RTL9: variants seen among roughly 807,000 people sequenced by gnomAD.
The protein encoded by RTL9 is retrotransposon Gag like 9, also known as retrotransposon Gag-like protein 9.
RTL9 carries 19 observed loss-of-function variants against 44.7 expected under a neutral mutation model. That is an observed-to-expected ratio of 0.42 (90% CI 0.30 to 0.62). The LOEUF (loss-of-function observed/expected upper bound fraction) is 0.62, where lower values mean the gene tolerates loss of function less well. Among genes scored for constraint, RTL9 ranks in the 20% least tolerant of loss-of-function variants. RTL9 has a pLI of 0.16. For synonymous variants in RTL9, 407 were observed against 398.9 expected (o/e 1.02, Z -0.24); for missense variants, 1,105 against 1,080.6 (o/e 1.02, Z -0.32).
chrX:110,454,107 G>A (rs1477909475), exon 1 of RTL9: 1 of 1,212,231 alleles, frequency 8.2e-7, no homozygotes, highest in Non-Finnish European at 1.1e-6. Flanking sequence ...CTCATGCTCT[G>A]TGGAGGAAGA....
chrX:110,367,973 AATTATTATTATTATTATT>A (rs201193443), intron 1 of RTL9, among the ~76,000 whole-genome samples: 6 of 85,326 alleles, frequency 7.0e-5, no homozygotes, highest in South Asian at 6.2e-4. Context: ...AGTGCTGGCT[AATTATTATTATTATTATT>A]ATTATTATTA....
intron 1 of RTL9, among the ~76,000 whole-genome samples, chrX:110,373,534 C>T (rs2068354248): frequency 8.9e-6 from 1 of 111,760 alleles, no homozygotes; most frequent in Non-Finnish European, 1.9e-5. Flanking sequence ...GATAAGCTCA[C>T]ATGCAAAAAA....
intron 1 of RTL9, among the ~76,000 whole-genome samples, chrX:110,405,087 GTC>G (rs1830228535): frequency 1.3e-5 from 1 of 76,626 alleles, no homozygotes; most frequent in African/African-American, 9.0e-5. Flanking sequence ...TGCTTGTTGT[GTC>G]CCCCCCCCCC....
chrX:110,451,627 C>G lies in RTL9; in HGVS notation c.1010C>G (p.Pro337Arg), dbSNP rs780040795. 6.6e-6 allele frequency: 8 copies of G among 1,209,226 alleles called. No individual in the cohort carries two copies. In the East Asian group the frequency reaches 2.1e-4, roughly 31 times the overall value. ...GATGCTGGAGAAATGTCCACATTAC[C>G]AAAGCCAGCTCCAGATGCTGAAGCA... Residue 337 changes from proline (P) to arginine (R), a missense_variant, in exon 1 of 2, where the codon CCA (proline) becomes CGA (arginine). Coordinates refer to ENST00000540313, the Ensembl canonical transcript of RTL9.
chrX:110,402,272 A>G (rs2068570362), intron 1 of RTL9, among the ~76,000 whole-genome samples: 1 of 113,195 alleles, frequency 8.8e-6, no homozygotes, highest in African/African-American at 3.2e-5. Context: ...CACCTTGCCT[A>G]TAAATATTTG....
chrX:110,450,616 A>T, exon 1 of RTL9: 3 of 1,205,542 alleles, frequency 2.5e-6, no homozygotes, highest in East Asian at 5.9e-5. Context: ...GCTGTGGCAG[A>T]TATGTCAATA....
chrX:110,371,657 T>A (rs2068339658), intron 1 of RTL9, among the ~76,000 whole-genome samples: 1 of 111,133 alleles, frequency 9.0e-6, no homozygotes, highest in Non-Finnish European at 1.9e-5. Flanking sequence ...CAGGTTAAAG[T>A]CTGCGTATTT....
At chrX:110,442,953 T>G (rs970754576) in intron 1 of RTL9, among the ~76,000 whole-genome samples, 1 of 111,336 alleles carries the variant, frequency 9.0e-6, no homozygotes, top group Non-Finnish European at 1.9e-5. Flanking sequence ...CAATGAGAGT[T>G]TCTCTCTTGG....
chrX:110,446,172 CA>C (rs1221386381), upstream of RTL9, among the ~76,000 whole-genome samples: 1 of 111,206 alleles, frequency 9.0e-6, no homozygotes, highest in East Asian at 2.8e-4. Context: ...CAACTGTGAA[CA>C]GACAGAGGAA....
intron 1 of RTL9, among the ~76,000 whole-genome samples, chrX:110,371,104 A>G (rs1233755955): frequency 2.7e-5 from 3 of 111,458 alleles, no homozygotes; most frequent in Non-Finnish European, 3.8e-5. Context: ...TTAAAAATAG[A>G]CTATTTTTTA....
intron 1 of RTL9, among the ~76,000 whole-genome samples, chrX:110,360,142 C>A (rs1172543438): frequency 8.1e-5 from 9 of 111,209 alleles, no homozygotes. Flanking sequence ...TAGCCTCAGA[C>A]ACTTGTAATA....
chrX:110,399,099 C>T (rs1369446293), intron 1 of RTL9, among the ~76,000 whole-genome samples: 1 of 112,127 alleles, frequency 8.9e-6, no homozygotes, highest in Non-Finnish European at 1.9e-5. Context: ...CTCATGGTCT[C>T]TTGTTCTTTC....
chrX:110,438,638 A>G (rs1569430366), intron 1 of RTL9, among the ~76,000 whole-genome samples: 1 of 111,504 alleles, frequency 9.0e-6, no homozygotes, highest in East Asian at 2.8e-4. Context: ...TAGCCTGAAA[A>G]CAAATCCGGT....
chrX:110,390,868 G>A (rs769037466), intron 1 of RTL9, among the ~76,000 whole-genome samples: 3 of 111,724 alleles, frequency 2.7e-5, no homozygotes, highest in Non-Finnish European at 5.6e-5. Flanking sequence ...TCTTTCCCAC[G>A]TCTGTTGAAA....
intron 1 of RTL9, among the ~76,000 whole-genome samples, chrX:110,424,935 G>T (rs2068743624): frequency 9.0e-6 from 1 of 111,634 alleles, no homozygotes; most frequent in African/African-American, 3.3e-5. Context: ...ATGCTAGGTG[G>T]TTTTCATTTA....
chrX:110,435,822 C>G, intron 1 of RTL9, among the ~76,000 whole-genome samples: 1 of 112,079 alleles, frequency 8.9e-6, no homozygotes, highest in East Asian at 2.8e-4. Context: ...TTTATAGTAA[C>G]AAGAGTAGCA....
intron 1 of RTL9, among the ~76,000 whole-genome samples, chrX:110,400,014 AT>A (rs1231685818): frequency 4.5e-5 from 5 of 110,514 alleles, no homozygotes. Context: ...CATTATAGCA[AT>A]TCAACATTGA....
chrX:110,408,458 T>C (rs2068618201), intron 1 of RTL9, among the ~76,000 whole-genome samples: 1 of 112,642 alleles, frequency 8.9e-6, no homozygotes, highest in Non-Finnish European at 1.9e-5. Flanking sequence ...CCCGAATAAT[T>C]TTTGAATGTT....
At chrX:110,423,336 A>AAAAAAG (rs940957310) in intron 1 of RTL9, among the ~76,000 whole-genome samples, 18 of 110,889 alleles carry the variant, frequency 1.6e-4, no homozygotes, top group African/African-American at 5.9e-4. Context: ...CTCAAAAAAA[A>AAAAAAG]AAAAAGAAAA....
Sources: allele counts gnomAD v4.1 joint callset (sites outside exome capture counted in the v4.1 genomes callset), GRCh38; gene constraint gnomAD v4.1.1; transcripts MANE v1.5; gene names NCBI Gene and HGNC (gene_info 2026-07-23, HGNC 2026-07-21).